The following WWTR1 variants were observed in gnomAD, a reference collection of about 807,000 sequenced individuals.
WWTR1 encodes the protein WW domain-containing transcription regulator protein 1.
Under a neutral mutation model 40.1 loss-of-function variants are expected in WWTR1, and 13 were observed. The ratio of observed to expected loss-of-function variants is 0.32; its 90% CI spans 0.21 to 0.52. The LOEUF is 0.52. Among genes scored for constraint, WWTR1 ranks in the 20% least tolerant of loss-of-function variants. The pLI is 0.97. For missense variants in WWTR1, 436 were observed against 523.1 expected (o/e 0.83, Z 1.63); for synonymous variants, 230 against 210.1 (o/e 1.09, Z -0.82).
intron 5 of WWTR1, 73 bp from the exon 6 acceptor site, chr3:149,526,198 A>G (rs1286029619): frequency 1.6e-6 from 2 of 1,223,742 alleles, no homozygotes; most frequent in Non-Finnish European, 2.3e-6. Flanking sequence ...CACAGTCACA[A>G]AAGCTCTAAA....
At chr3:149,640,537 C>T (rs1426173677) in intron 2 of WWTR1, among the ~76,000 whole-genome samples, 1 of 152,168 alleles carries the variant, frequency 6.6e-6, no homozygotes, top group Non-Finnish European at 1.5e-5. Context: ...TCTCCTGCCT[C>T]AGCCTCCTGA....
intron 2 of WWTR1, among the ~76,000 whole-genome samples, chr3:149,630,754 C>G (rs1711523012): frequency 6.6e-6 from 1 of 152,200 alleles, no homozygotes; most frequent in South Asian, 2.1e-4. Context: ...TCCTCCTTTT[C>G]CAGGATCATG....
At chr3:149,535,234 G>GA (rs58285728) in intron 4 of WWTR1, among the ~76,000 whole-genome samples, 36,897 of 143,002 alleles carry the variant, frequency 0.26, 4,992 homozygotes, top group African/African-American at 0.38. Flanking sequence ...GAAAGAAAAT[G>GA]AAAAAAAAAA....
chr3:149,614,172 G>A (rs1739862011), intron 2 of WWTR1, among the ~76,000 whole-genome samples: 2 of 152,164 alleles, frequency 1.3e-5, no homozygotes, highest in Non-Finnish European at 1.5e-5. Context: ...TGTGCAGCAT[G>A]ACTTTTGGGT....
At chr3:149,572,269 G>A (rs1166852970) in intron 3 of WWTR1, among the ~76,000 whole-genome samples, 1 of 151,948 alleles carries the variant, frequency 6.6e-6, no homozygotes, top group Non-Finnish European at 1.5e-5. Flanking sequence ...CATGCTATCT[G>A]ACACATGTTA....
chr3:149,586,454 A>G (rs1365555072), intron 2 of WWTR1, among the ~76,000 whole-genome samples: 1 of 152,240 alleles, frequency 6.6e-6, no homozygotes, highest in Non-Finnish European at 1.5e-5. Flanking sequence ...AAATCGGGAA[A>G]CCATGTGTGA....
In WWTR1 at chr3:149,583,335, G is replaced by C. The variant is rs1328187805; in HGVS notation, c.432-10335C>G. On this transcript the variant is annotated intron_variant, in intron 2 of 6. Coordinates refer to ENST00000360632, the MANE Select transcript of WWTR1 (RefSeq NM_015472.6). ...ATTCATCCATTTTTTCATTAGACAA[G>C]TATTTACAGTGGGGTACATCTTCCA... 3.3e-5 allele frequency among the ~76,000 whole-genome samples: 5 copies of C among 152,140 alleles called. No individual in the cohort carries two copies. The East Asian group carries it at 9.6e-4, about 29-fold the overall frequency.
chr3:149,559,021 C>T (rs750993350), intron 3 of WWTR1, among the ~76,000 whole-genome samples: 24 of 152,076 alleles, frequency 1.6e-4, no homozygotes, highest in African/African-American at 5.3e-4. Context: ...CAGCTGGGCA[C>T]GGTGGCTCAC....
intron 2 of WWTR1, among the ~76,000 whole-genome samples, chr3:149,597,701 A>T (rs984416311): frequency 6.6e-6 from 1 of 152,200 alleles, no homozygotes; most frequent in African/African-American, 2.4e-5. Flanking sequence ...AAGCATTCTG[A>T]AGCTAAGTTT....
intron 1 of WWTR1, among the ~76,000 whole-genome samples, chr3:149,687,282 C>G (rs1714685444): frequency 6.6e-6 from 1 of 152,212 alleles, no homozygotes; most frequent in African/African-American, 2.4e-5. Flanking sequence ...CTAACTGGAA[C>G]TCACTACTGA....
chr3:149,652,620 CAAAAAAAAAAAAAAAAAAAAAAAAAAAAA>C (rs758013561), intron 2 of WWTR1, among the ~76,000 whole-genome samples: 29 of 20,232 alleles, frequency 1.4e-3, no homozygotes, highest in South Asian at 6.5e-3. Flanking sequence ...GACCCCATCT[CAAAAAAAAAAAAAAAAAAAAAAAAAAAAA>C]AAAAAAAAAA....
chr3:149,523,160 A>C (rs984270392), intron 6 of WWTR1, among the ~76,000 whole-genome samples: 26 of 152,166 alleles, frequency 1.7e-4, no homozygotes, highest in African/African-American at 5.8e-4. Context: ...AACAATCTTA[A>C]AATAGAAGCA....
At chr3:149,697,617 C>T (rs1250212639) in intron 1 of WWTR1, among the ~76,000 whole-genome samples, 1 of 152,166 alleles carries the variant, frequency 6.6e-6, no homozygotes, top group Non-Finnish European at 1.5e-5. Flanking sequence ...CCAAACTATA[C>T]TATTCTGCCA....
chr3:149,525,614 T>G (rs940943714), intron 6 of WWTR1: 3 of 152,656 alleles, frequency 2.0e-5, no homozygotes, highest in Non-Finnish European at 2.9e-5. Context: ...TGGTTGGATT[T>G]TAAAATTGAG....
At chr3:149,617,272 C>T (rs560222638) in intron 2 of WWTR1, among the ~76,000 whole-genome samples, 1 of 152,230 alleles carries the variant, frequency 6.6e-6, no homozygotes, top group South Asian at 2.1e-4. Flanking sequence ...CACTCTCACT[C>T]CAGGGCAATT....
intron 2 of WWTR1, among the ~76,000 whole-genome samples, chr3:149,606,082 C>T (rs1246431716): frequency 2.0e-5 from 3 of 152,134 alleles, no homozygotes; most frequent in Admixed American, 6.5e-5. Context: ...TATGATGACT[C>T]GGGTAGAAGG....
chr3:149,526,505 G>T (rs911609006), intron 5 of WWTR1, among the ~76,000 whole-genome samples: 1 of 152,066 alleles, frequency 6.6e-6, no homozygotes, highest in Non-Finnish European at 1.5e-5. Flanking sequence ...ATGGACACAC[G>T]CCAGTTTCTG....
intron 2 of WWTR1, among the ~76,000 whole-genome samples, chr3:149,649,327 C>T (rs933074292): frequency 6.6e-6 from 1 of 152,196 alleles, no homozygotes; most frequent in Non-Finnish European, 1.5e-5. Context: ...ATTAGCTGAA[C>T]TGGCTAAAGA....
intron 4 of WWTR1, among the ~76,000 whole-genome samples, chr3:149,538,884 T>C (rs1398529365): frequency 6.6e-6 from 1 of 152,234 alleles, no homozygotes. Flanking sequence ...ACAAGTTATC[T>C]GAAGGCAGTC....
Sources: gnomAD v4.1 joint callset for allele counts (sites outside exome capture counted in the v4.1 genomes callset) on GRCh38, gnomAD v4.1.1 for gene constraint, MANE v1.5 for transcripts, NCBI Gene and HGNC (gene_info 2026-07-23, HGNC 2026-07-21) for gene names.